BBX: variants seen among roughly 807,000 people sequenced by gnomAD.
BBX encodes the protein HMG box transcription factor BBX.
In BBX, 30 loss-of-function variants were observed where a neutral mutation model predicts 100.2. The observed-to-expected ratio is 0.30, with a 90% CI of 0.22 to 0.41. BBX has a LOEUF of 0.41. Ranked by LOEUF, BBX falls within the 10% of genes least tolerant of loss-of-function variation. The pLI, the probability that BBX is intolerant of heterozygous loss-of-function variation, is 1.00. For synonymous variants in BBX, 376 were observed against 388.1 expected (o/e 0.97, Z 0.37); for missense variants, 1,023 against 1,129.8 (o/e 0.91, Z 1.35).
chr3:107,613,957 T>G lies in BBX; in HGVS notation c.-83-31879T>G, dbSNP rs1381075027. On this transcript the variant is annotated intron_variant, in intron 2 of 17. Transcript: ENST00000325805. ...CATACCATGGTTTTTTTTTTTTTTTTTTTTTTTTTTTTTGAGATGGAGTCT... is the reference window on the plus strand; with the variant it reads ...CATACCATGGTTTTTTTTTTTTTTTGTTTTTTTTTTTTTGAGATGGAGTCT... Among the ~76,000 whole-genome samples, 25 of 134,148 alleles carry G rather than the reference T, an allele frequency of 1.9e-4. 1 individual carries two copies. Among genetic ancestry groups the G allele is most frequent in the Non-Finnish European group, 2.9e-4 (18 of 61,954 alleles). The allele number at this position is 134,148 out of a possible 152,430, so 88.0% of individuals were successfully genotyped here. A position where few individuals can be genotyped will look rare whatever the true frequency, so the allele number is the denominator to read the frequency against.
chr3:107,681,716 A>G (rs1335081530), intron 3 of BBX, among the ~76,000 whole-genome samples: 3 of 152,178 alleles, frequency 2.0e-5, no homozygotes, highest in Non-Finnish European at 1.5e-5. Flanking sequence ...TGCATATCAT[A>G]TACTGAGAGA....
At chr3:107,791,191 A>C (rs2068981498) in intron 14 of BBX, 49 bp from the exon 15 acceptor site, 2 of 1,512,102 alleles carry the variant, frequency 1.3e-6, no homozygotes, top group Non-Finnish European at 1.8e-6. Flanking sequence ...TGGGGAATCT[A>C]CTAAGAGTAG....
chr3:107,531,761 G>A (rs189863971), intron 2 of BBX, among the ~76,000 whole-genome samples: 1 of 152,094 alleles, frequency 6.6e-6, no homozygotes, highest in African/African-American at 2.4e-5. Flanking sequence ...TTCAGGTTTG[G>A]GGAATGATTT....
intron 10 of BBX, among the ~76,000 whole-genome samples, chr3:107,771,048 C>T (rs1001446493): frequency 6.6e-6 from 1 of 151,978 alleles, no homozygotes; most frequent in Non-Finnish European, 1.5e-5. Context: ...ACTCAGCAAC[C>T]CCCAATACTC....
At chr3:107,710,875 A>G (rs2061675264) in intron 4 of BBX, among the ~76,000 whole-genome samples, 1 of 152,214 alleles carries the variant, frequency 6.6e-6, no homozygotes, top group Non-Finnish European at 1.5e-5. Flanking sequence ...ATTTGTGGGT[A>G]ATGTTCAAAT....
chr3:107,670,736 AG>A (rs2058977325), intron 3 of BBX, among the ~76,000 whole-genome samples: 1 of 152,130 alleles, frequency 6.6e-6, no homozygotes, highest in African/African-American at 2.4e-5. Context: ...GAAATAGTAG[AG>A]GGAAGCTTAT....
At chr3:107,638,776 AGT>A (rs1330846738) in intron 2 of BBX, among the ~76,000 whole-genome samples, 1 of 62,642 alleles carries the variant, frequency 1.6e-5, no homozygotes, top group Non-Finnish European at 3.6e-5. Flanking sequence ...AAAAAAAAAA[AGT>A]ATACACACAC....
At chr3:107,614,552 T>C (rs945063307) in intron 2 of BBX, among the ~76,000 whole-genome samples, 1 of 152,138 alleles carries the variant, frequency 6.6e-6, no homozygotes, top group Non-Finnish European at 1.5e-5. Context: ...CTAGGACCCC[T>C]GTGGATAGGA....
At chr3:107,707,241 G>A (rs1483523976) in intron 3 of BBX, among the ~76,000 whole-genome samples, 2 of 152,182 alleles carry the variant, frequency 1.3e-5, no homozygotes, top group Admixed American at 6.5e-5. Context: ...TGCATCTGGT[G>A]GTTCTCAGAC....
intron 2 of BBX, among the ~76,000 whole-genome samples, chr3:107,540,785 A>G (rs1464446536): frequency 1.3e-5 from 2 of 152,178 alleles, no homozygotes; most frequent in Non-Finnish European, 2.9e-5. Context: ...TAAAGTTGGG[A>G]TATGTCCTGG....
At chr3:107,664,195 A>G (rs2058620635) in intron 3 of BBX, among the ~76,000 whole-genome samples, 1 of 152,092 alleles carries the variant, frequency 6.6e-6, no homozygotes, top group South Asian at 2.1e-4. Context: ...TGCCCTCTTT[A>G]TGTACATATT....
chr3:107,728,929 A>C lies in BBX; in HGVS notation c.570A>C (p.Glu190Asp), dbSNP rs2063139586. The change falls in exon 6 of 18, where the codon GAA becomes GAC. Residue 190 changes from glutamate (E) to aspartate (D), a missense_variant. Coordinates refer to ENST00000325805, the MANE Select transcript of BBX (RefSeq NM_001142568.3). ...CAAGCCCCAAGAAAGCAAAGACTGA[A>C]GAAATGCCTCAGCTTAACTTTGGAA... is the stretch of plus-strand genomic sequence containing the variant. ...DLPSPKKAKT[E>D]EMPQLNFGMA... is the part of the protein sequence containing the mutation. 1 of 1,613,642 alleles carries C rather than the reference A, an allele frequency of 6.2e-7. No individual in the cohort carries two copies. Among genetic ancestry groups the C allele is most frequent in the Admixed American group, 1.7e-5 (1 of 59,968 alleles).
At chr3:107,793,423 G>A (rs931731345) in intron 15 of BBX, among the ~76,000 whole-genome samples, 2 of 152,050 alleles carry the variant, frequency 1.3e-5, no homozygotes, top group African/African-American at 4.8e-5. Flanking sequence ...ATGTGGCCAG[G>A]AAAAACAGGA....
intron 3 of BBX, among the ~76,000 whole-genome samples, chr3:107,699,306 G>A (rs780260150): frequency 1.3e-5 from 2 of 151,812 alleles, no homozygotes; most frequent in Admixed American, 6.5e-5. Context: ...GGAGGTGGGA[G>A]TGCATGGCAA....
chr3:107,721,485 G>A (rs192987650), intron 5 of BBX, among the ~76,000 whole-genome samples: 14 of 151,892 alleles, frequency 9.2e-5, no homozygotes, highest in African/African-American at 3.4e-4. Context: ...TTTTGAGTAT[G>A]GTTTAATTAG....
chr3:107,689,858 G>A (rs1326096511), intron 3 of BBX, among the ~76,000 whole-genome samples: 1 of 152,172 alleles, frequency 6.6e-6, no homozygotes, highest in Non-Finnish European at 1.5e-5. Context: ...TTAAAGTCCA[G>A]AGCCTTTATA....
chr3:107,542,953 TC>T (rs2048968066), intron 2 of BBX, among the ~76,000 whole-genome samples: 1 of 152,220 alleles, frequency 6.6e-6, no homozygotes, highest in Non-Finnish European at 1.5e-5. Flanking sequence ...TATTTGTGTT[TC>T]TGCATTGTTA....
In BBX at chr3:107,716,476, A is replaced by G. The variant is rs2062115386; in HGVS notation, c.163-131A>G. 1.8e-5 allele frequency: 20 copies of G among 1,132,400 alleles called. No individual in the cohort carries two copies. The East Asian group carries it at 4.6e-4, about 26-fold the overall frequency. 70.1% of individuals were successfully genotyped at this position (1,132,400 alleles called of 1,614,324 possible). On this transcript the variant is annotated intron_variant, in intron 4 of 17. Transcript: ENST00000325805. Reference sequence around the variant, plus strand: ...CAGTGGTTGTTGATTTTTTAAAATTATATTTTTTTCAATGTGTAAGTTGTT... The same window carrying G: ...CAGTGGTTGTTGATTTTTTAAAATTGTATTTTTTTCAATGTGTAAGTTGTT...
chr3:107,558,681 A>G (rs933253489), intron 2 of BBX, among the ~76,000 whole-genome samples: 1 of 152,160 alleles, frequency 6.6e-6, no homozygotes, highest in Non-Finnish European at 1.5e-5. Context: ...TATGCCAATT[A>G]GGTAAAGGGG....
Sources: gnomAD v4.1 joint callset for allele counts (sites outside exome capture counted in the v4.1 genomes callset) on GRCh38, gnomAD v4.1.1 for gene constraint, MANE v1.5 for transcripts, NCBI Gene and HGNC (gene_info 2026-07-23, HGNC 2026-07-21) for gene names.